The following ZNF106 variants were observed in gnomAD, a reference collection of about 807,000 sequenced individuals.
ZNF106 encodes the protein zinc finger protein 106.
A neutral mutation model predicts 195.1 loss-of-function variants in ZNF106; 67 were observed. That is an observed-to-expected ratio of 0.34 (90% CI 0.28 to 0.42). The LOEUF is 0.42. ZNF106 is among the 10% of genes least tolerant of loss of function. The pLI, the probability that ZNF106 is intolerant of heterozygous loss-of-function variation, is 1.00. For missense variants in ZNF106, 2,118 were observed against 2,304.5 expected, an observed-to-expected ratio of 0.92 and a Z score of 1.66; for synonymous variants, 784 against 818.6, an observed-to-expected ratio of 0.96 and a Z score of 0.72.
chr15:42,422,735 A>T, intron 17 of ZNF106, 115 bp from the exon 18 acceptor site: 5 of 1,048,846 alleles, frequency 4.8e-6, no homozygotes, highest in Non-Finnish European at 3.9e-6. Flanking sequence ...TATAATTAAT[A>T]CAATTAATTG....
chr15:42,487,871 T>A (rs1595504287), intron 1 of ZNF106, among the ~76,000 whole-genome samples: 2 of 152,200 alleles, frequency 1.3e-5, no homozygotes, highest in East Asian at 3.8e-4. Flanking sequence ...GAGGATATTC[T>A]ATGCATATAT....
At chr15:42,454,473 C>G (rs2056160130) in intron 4 of ZNF106, among the ~76,000 whole-genome samples, 2 of 151,726 alleles carry the variant, frequency 1.3e-5, no homozygotes, top group Non-Finnish European at 2.9e-5. Flanking sequence ...CCTAGATCAT[C>G]ATGAATTGGC....
chr15:42,479,397 T>C (rs920135634), intron 1 of ZNF106, among the ~76,000 whole-genome samples: 3 of 152,128 alleles, frequency 2.0e-5, no homozygotes, highest in Non-Finnish European at 4.4e-5. Context: ...AATAATTTTA[T>C]TACAGTCAAA....
At chr15:42,425,214 C>A (rs2054811086) in intron 15 of ZNF106, among the ~76,000 whole-genome samples, 189 bp from the exon 16 acceptor site, 1 of 152,318 alleles carries the variant, frequency 6.6e-6, no homozygotes, top group South Asian at 2.1e-4. Flanking sequence ...CCCCCATCCC[C>A]TGATCTGAGG....
intron 16 of ZNF106, 95 bp downstream of exon 16, chr15:42,424,739 C>A: frequency 7.6e-7 from 1 of 1,316,498 alleles, no homozygotes; most frequent in East Asian, 2.5e-5. Flanking sequence ...CTCACCCTCC[C>A]AAAGTGCTGG....
chr15:42,484,991 T>C (rs1055228971), intron 1 of ZNF106, among the ~76,000 whole-genome samples: 1 of 151,726 alleles, frequency 6.6e-6, no homozygotes, highest in Non-Finnish European at 1.5e-5. Flanking sequence ...AAACCCCGTT[T>C]CTACAAAAAA....
At chr15:42,484,772 T>A (rs2056972990) in intron 1 of ZNF106, among the ~76,000 whole-genome samples, 1 of 151,798 alleles carries the variant, frequency 6.6e-6, no homozygotes, top group Admixed American at 6.6e-5. Context: ...GTCTGCAATA[T>A]AATTTCCCAA....
chr15:42,448,104 G>C lies in ZNF106; in HGVS notation c.3103C>G (p.Gln1035Glu). 1.2e-6 allele frequency: 2 copies of C among 1,613,660 alleles called. No homozygotes were observed. The highest frequency in any genetic ancestry group is 1.7e-6 in the Non-Finnish European group (2 of 1,179,736). Residue 1035 changes from glutamine (Q) to glutamate (E), a missense_variant, in exon 6 of 22, where the codon CAA (glutamine) becomes GAA (glutamate). Coordinates refer to ENST00000564754, the MANE Select transcript of ZNF106 (RefSeq NM_001366845.3). Reference sequence around the variant, plus strand: ...GCTCTTCGTTTCTTTCTAATACTTTGGCCATCATTTTGTTCAGCACCAGAG... The same window carrying C: ...GCTCTTCGTTTCTTTCTAATACTTTCGCCATCATTTTGTTCAGCACCAGAG... Reference protein sequence around the residue: ...CTSGAEQNDGQSIRKKRRATG... With the variant: ...CTSGAEQNDGESIRKKRRATG...
Position 42,435,233 on chromosome 15 carries a change from C to T in ZNF106, c.4881+151G>A. 5 of 1,078,962 alleles carry T rather than the reference C, an allele frequency of 4.6e-6. No individual in the cohort carries two copies. The South Asian group carries it at 7.7e-5, about 17-fold the overall frequency. The allele number at this position is 1,078,962 out of a possible 1,614,324, so 66.8% of individuals were successfully genotyped here. A position where few individuals can be genotyped will look rare whatever the true frequency, so the allele number is the denominator to read the frequency against. On this transcript the variant is annotated intron_variant, in intron 14 of 21. Transcript: ENST00000564754. Reference sequence around the variant, plus strand: ...GGTTTATGTGTAAGTCTCATATCTACCTAGGGCTACAACAATGTGCTAAAC... The same window carrying T: ...GGTTTATGTGTAAGTCTCATATCTATCTAGGGCTACAACAATGTGCTAAAC...
At chr15:42,429,223 G>A (rs560397917) in intron 14 of ZNF106, among the ~76,000 whole-genome samples, 26 of 151,318 alleles carry the variant, frequency 1.7e-4, no homozygotes, top group African/African-American at 5.4e-4. Context: ...GGTGAATCAC[G>A]AGGTCAGGAG....
chr15:42,438,605 C>T lies in ZNF106; in HGVS notation c.4600+7G>A. 2 of 1,612,402 alleles carry T rather than the reference C, an allele frequency of 1.2e-6. No individual in the cohort carries two copies. Among genetic ancestry groups the T allele is most frequent in the African/African-American group, 1.3e-5 (1 of 74,984 alleles). On this transcript the variant is annotated splice_region_variant and intron_variant, in intron 12 of 21. Coordinates refer to ENST00000564754, the MANE Select transcript of ZNF106 (RefSeq NM_001366845.3). ...GGTTAACTTAAATAAAACTGAACAG[C>T]AAATACCTGAAGAATTCTTTGATCC... is the stretch of plus-strand genomic sequence containing the variant.
chr15:42,482,824 CG>C (rs1489268312), intron 1 of ZNF106, among the ~76,000 whole-genome samples: 1 of 152,038 alleles, frequency 6.6e-6, no homozygotes, highest in Non-Finnish European at 1.5e-5. Flanking sequence ...CCACCGCGCC[CG>C]GCAAAATCCT....
At position 42,413,188 on chromosome 15, in the gene ZNF106, G is replaced by A. The variant is rs1450696568; in HGVS notation, c.*4116C>T. The A allele has an allele frequency of 6.6e-6, 1 of 152,182 alleles. No homozygotes were observed. Among genetic ancestry groups the A allele is most frequent in the African/African-American group, 2.4e-5 (1 of 41,424 alleles). The allele number at this position is 152,182 out of a possible 1,614,324, so 9.4% of individuals were successfully genotyped here. On this transcript the variant is annotated 3_prime_UTR_variant, in exon 22 of 22. Transcript: ENST00000564754. ...CAGGGCCATATACTTGGGCTTGGAG[G>A]TGAGGTTAGAGGTTACTGTCTAATA...
At chr15:42,485,989 C>T (rs1459956581) in intron 1 of ZNF106, among the ~76,000 whole-genome samples, 2 of 145,192 alleles carry the variant, frequency 1.4e-5, no homozygotes, top group East Asian at 2.0e-4. Flanking sequence ...GACGGAGTCT[C>T]GCTCTGTCGC....
chr15:42,462,361 G>A (rs1471894119), intron 3 of ZNF106, among the ~76,000 whole-genome samples: 1 of 152,216 alleles, frequency 6.6e-6, no homozygotes, highest in Non-Finnish European at 1.5e-5. Flanking sequence ...ACTTTGGGAG[G>A]CCGAGGCAGG....
At chr15:42,431,261 A>T (rs2055038102) in intron 14 of ZNF106, among the ~76,000 whole-genome samples, 3 of 152,022 alleles carry the variant, frequency 2.0e-5, no homozygotes, top group Non-Finnish European at 4.4e-5. Flanking sequence ...TTTATTTAAT[A>T]GCCCAGCATG....
chr15:42,427,959 C>A, intron 15 of ZNF106, 59 bp downstream of exon 15: 1 of 1,420,746 alleles, frequency 7.0e-7, no homozygotes. Context: ...TCTTCCCACA[C>A]ATGCTCACAC....
intron 14 of ZNF106, among the ~76,000 whole-genome samples, chr15:42,430,209 T>A (rs1299797839): frequency 3.9e-5 from 6 of 152,092 alleles, no homozygotes; most frequent in African/African-American, 7.3e-5. Flanking sequence ...GAACCCTTAA[T>A]ACTGAAAAGC....
chr15:42,488,097 A>C (rs1217436917), intron 1 of ZNF106, among the ~76,000 whole-genome samples: 1 of 152,254 alleles, frequency 6.6e-6, no homozygotes, highest in Non-Finnish European at 1.5e-5. Flanking sequence ...GTATGTACTC[A>C]GCACGTAGCA....
Sources: allele counts gnomAD v4.1 joint callset (sites outside exome capture counted in the v4.1 genomes callset), GRCh38; gene constraint gnomAD v4.1.1; transcripts MANE v1.5; gene names NCBI Gene and HGNC (gene_info 2026-07-23, HGNC 2026-07-21).